The following CAMTA1 variants were observed in gnomAD, a reference collection of about 807,000 sequenced individuals.
CAMTA1 encodes calmodulin binding transcription activator 1.
A neutral mutation model predicts 170.9 loss-of-function variants in CAMTA1; 27 were observed. The ratio of observed to expected loss-of-function variants is 0.16; its 90% confidence interval spans 0.12 to 0.22. The LOEUF is 0.22. Ranked by LOEUF, CAMTA1 falls within the 10% of genes least tolerant of loss-of-function variation. The probability of loss-of-function intolerance (pLI) is 1.00; values close to 1 mark genes in which losing one functional copy is unlikely to be tolerated. For synonymous variants in CAMTA1, 833 were observed against 891.5 expected (o/e 0.93, Z 1.17); for missense variants, 1,619 against 2,217.2 (o/e 0.73, Z 5.42).
intron 4 of CAMTA1, among the ~76,000 whole-genome samples, chr1:7,151,811 A>G (rs751753211): frequency 2.4e-4 from 36 of 152,156 alleles, no homozygotes; most frequent in Admixed American, 5.2e-4. Flanking sequence ...TCGAGTGTGC[A>G]TACTCCGTTT....
Position 7,145,750 on chromosome 1 carries a change from G to A in CAMTA1, c.302+54379G>A, listed in dbSNP as rs559943912. 2.0e-3 allele frequency among the ~76,000 whole-genome samples: 298 copies of A among 152,350 alleles called. 1 individual carries two copies. Among genetic ancestry groups the A allele is most frequent in the Non-Finnish European group, 3.1e-3 (208 of 68,040 alleles). Reference sequence around the variant, plus strand: ...GGGGCCGGGACGATTGCAGTCATCCGTGTCTCCCGAAAGCACAGTGCCTGT... The same window carrying A: ...GGGGCCGGGACGATTGCAGTCATCCATGTCTCCCGAAAGCACAGTGCCTGT... On this transcript the variant is annotated intron_variant, in intron 4 of 22. Coordinates refer to ENST00000303635, the MANE Select transcript of CAMTA1 (RefSeq NM_015215.4).
rs1007351862 is a variant in CAMTA1, at chr1:7,456,650, C to T, written c.439-11180C>T. Among the ~76,000 whole-genome samples the T allele has an allele frequency of 1.3e-5, 2 of 152,154 alleles. No individual in the cohort carries two copies. Among genetic ancestry groups the T allele is most frequent in the Admixed American group, 1.3e-4 (2 of 15,280 alleles). On this transcript the variant is annotated intron_variant, in intron 5 of 22. Transcript: ENST00000303635. This position sits in a 1 kb window ranked among gnomAD's most constrained non-coding sequence, Gnocchi z 4.9. ...AGAAAGCCTGTTCTTTGCTGGGGCC[C>T]GCAGGGAGCCAGGTATCAGGACAGA...
intron 6 of CAMTA1, among the ~76,000 whole-genome samples, chr1:7,521,525 C>T (rs1214442055): frequency 1.3e-5 from 2 of 151,728 alleles, no homozygotes; most frequent in Non-Finnish European, 1.5e-5. Context: ...TTTGTGTATC[C>T]ACCACCGTTG....
rs761700842 is a variant in CAMTA1, at chr1:7,715,912, C to A, written c.2915-16536C>A. Among the ~76,000 whole-genome samples the A allele has an allele frequency of 5.3e-4, 81 of 152,286 alleles. 1 individual carries two copies. The highest frequency in any genetic ancestry group is 3.3e-4 in the Admixed American group (5 of 15,304). On this transcript the variant is annotated intron_variant, in intron 11 of 22. Coordinates refer to ENST00000303635, the MANE Select transcript of CAMTA1 (RefSeq NM_015215.4). ...TAATGACTAAAAATTTTCTGAAACC[C>A]TGTACTTCCCTTGGGGAAATAGTTT... is the stretch of plus-strand genomic sequence containing the variant.
Position 7,482,084 on chromosome 1 carries a change from G to A in CAMTA1, c.510+14183G>A, listed in dbSNP as rs965396168. Among the ~76,000 whole-genome samples, 1 of 152,060 alleles carries A rather than the reference G, an allele frequency of 6.6e-6. No individual in the cohort carries two copies. Among genetic ancestry groups the A allele is most frequent in the Non-Finnish European group, 1.5e-5 (1 of 68,004 alleles). On this transcript the variant is annotated intron_variant, in intron 6 of 22. Transcript: ENST00000303635. This position sits in a 1 kb window ranked among gnomAD's most constrained non-coding sequence, Gnocchi z 4.2. ...GTAGAACTGGAATCCTGCAGTATAT[G>A]CACTCAGGTATATACTTGGCTTCTT... is the stretch of plus-strand genomic sequence containing the variant.
chr1:6,936,313 G>A (rs904462019), intron 3 of CAMTA1, among the ~76,000 whole-genome samples: 2 of 152,186 alleles, frequency 1.3e-5, no homozygotes, highest in African/African-American at 2.4e-5. Context: ...TTTGTATATG[G>A]TGGGATTTAG....
At chr1:7,596,950 C>A (rs1239535265) in intron 6 of CAMTA1, among the ~76,000 whole-genome samples, 2 of 151,976 alleles carry the variant, frequency 1.3e-5, no homozygotes, top group Non-Finnish European at 2.9e-5. Context: ...CAGGCGGAGC[C>A]CCCTGGCAGC....
chr1:7,354,304 G>A (rs565142601), intron 5 of CAMTA1, among the ~76,000 whole-genome samples: 27 of 152,016 alleles, frequency 1.8e-4, no homozygotes, highest in African/African-American at 5.1e-4. Flanking sequence ...GCCTGCCACC[G>A]CGCCCGGCTA....
At chr1:7,329,222 A>G (rs976026735) in intron 5 of CAMTA1, among the ~76,000 whole-genome samples, 19 of 152,216 alleles carry the variant, frequency 1.2e-4, no homozygotes, top group African/African-American at 4.1e-4. Flanking sequence ...TAATAACTTA[A>G]TGTAACTTCT....
At chr1:7,177,251 A>C (rs1651046221) in intron 4 of CAMTA1, among the ~76,000 whole-genome samples, 1 of 150,952 alleles carries the variant, frequency 6.6e-6, no homozygotes, top group South Asian at 2.1e-4. Context: ...GTCCCCTCCC[A>C]CACACTAAGT....
chr1:7,657,018 C>T (rs901074578), intron 7 of CAMTA1, among the ~76,000 whole-genome samples: 10 of 152,200 alleles, frequency 6.6e-5, no homozygotes, highest in African/African-American at 2.2e-4. Context: ...CAGCCCTGTC[C>T]GCGAGAATGC....
chr1:7,122,465 T>C (rs1644701362), intron 4 of CAMTA1, among the ~76,000 whole-genome samples: 3 of 152,090 alleles, frequency 2.0e-5, no homozygotes, highest in African/African-American at 7.2e-5. Context: ...GAATGGATGG[T>C]CCCTGAAAGT....
At chr1:7,619,656 T>A (rs1014806604) in intron 6 of CAMTA1, among the ~76,000 whole-genome samples, 14 of 151,986 alleles carry the variant, frequency 9.2e-5, no homozygotes, top group African/African-American at 3.4e-4. Flanking sequence ...AAATTGATTT[T>A]TTTTTTTTTT....
chr1:7,131,036 C>T (rs555801713), intron 4 of CAMTA1, among the ~76,000 whole-genome samples: 32 of 152,122 alleles, frequency 2.1e-4, no homozygotes, highest in African/African-American at 7.7e-4. Context: ...TCACTGCAAC[C>T]TCTGCCTCCC....
intron 5 of CAMTA1, among the ~76,000 whole-genome samples, chr1:7,297,906 C>T (rs1411898970): frequency 6.6e-6 from 1 of 152,196 alleles, no homozygotes; most frequent in Non-Finnish European, 1.5e-5. Context: ...CAAATCCAAT[C>T]CTAGTCACTT....
chr1:6,839,421 C>T (rs1172924960), intron 3 of CAMTA1, among the ~76,000 whole-genome samples: 1 of 152,042 alleles, frequency 6.6e-6, no homozygotes, highest in Non-Finnish European at 1.5e-5. Flanking sequence ...CCCCAAAATT[C>T]CATTTAATTT....
intron 3 of CAMTA1, among the ~76,000 whole-genome samples, chr1:6,858,474 G>T (rs948846112): frequency 1.9e-5 from 2 of 107,764 alleles, no homozygotes; most frequent in African/African-American, 7.3e-5. Context: ...GTGGTGGTGT[G>T]TGTGTGTGTG....
Position 6,864,055 on chromosome 1 carries a change from G to A in CAMTA1, c.234+38845G>A, listed in dbSNP as rs1332425113. On this transcript the variant is annotated intron_variant, in intron 3 of 22. Coordinates refer to ENST00000303635, the MANE Select transcript of CAMTA1 (RefSeq NM_015215.4). The stretch of plus-strand genomic sequence containing the variant: ...GGGGAAGGAAGACCACAGCGGCAAA[G>A]TACCATTCTCATCACATCATATCAA... Among the ~76,000 whole-genome samples the A allele has an allele frequency of 2.0e-5, 3 of 152,142 alleles. No individual in the cohort carries two copies. The East Asian group carries it at 5.8e-4, about 29-fold the overall frequency.
chr1:7,124,336 A>G (rs1162333941), intron 4 of CAMTA1, among the ~76,000 whole-genome samples: 2 of 152,186 alleles, frequency 1.3e-5, no homozygotes, highest in Non-Finnish European at 2.9e-5. Flanking sequence ...CTGCACACAC[A>G]CTGTCCCTCC....
Sources: gnomAD v4.1 joint callset for allele counts (sites outside exome capture counted in the v4.1 genomes callset) on GRCh38, gnomAD v4.1.1 for gene constraint, Gnocchi (gnomAD v3.1) non-coding constraint, MANE v1.5 for transcripts, NCBI Gene and HGNC (gene_info 2026-07-23, HGNC 2026-07-21) for gene names.